SENP5: variants seen among roughly 807,000 people sequenced by gnomAD.
SENP5 encodes SUMO specific peptidase 5, also known as sentrin-specific protease 5.
SENP5 carries 21 observed loss-of-function variants against 74.2 expected under a neutral mutation model. The ratio of observed to expected loss-of-function variants is 0.28; its 90% CI spans 0.20 to 0.41. SENP5 has a LOEUF of 0.41. Ranked by LOEUF, SENP5 falls within the 10% of genes least tolerant of loss-of-function variation. SENP5 has a pLI of 1.00. For synonymous variants in SENP5, 311 were observed against 312.7 expected (o/e 0.99, Z 0.06); for missense variants, 717 against 889.1 (o/e 0.81, Z 2.46).
rs773858031 is a variant in SENP5, at chr3:196,931,879, A to C, written c.*956A>C. On this transcript the variant is annotated 3_prime_UTR_variant, in exon 10 of 10. Coordinates refer to ENST00000323460, the MANE Select transcript of SENP5 (RefSeq NM_152699.5). ...AGGGTATCTGAAACGTAAACATTCAAAACTGAAGGCTGACTGACTTGAGAT... is the reference window on the plus strand; with the variant it reads ...AGGGTATCTGAAACGTAAACATTCACAACTGAAGGCTGACTGACTTGAGAT... 6 of 450,950 alleles carry C rather than the reference A, an allele frequency of 1.3e-5. No individual in the cohort carries two copies. Among genetic ancestry groups the C allele is most frequent in the Non-Finnish European group, 2.7e-5 (6 of 225,020 alleles). 27.9% of individuals were successfully genotyped at this position (450,950 alleles called of 1,614,324 possible). A position where few individuals can be genotyped will look rare whatever the true frequency, so the allele number is the denominator to read the frequency against.
intron 1 of SENP5, among the ~76,000 whole-genome samples, chr3:196,881,188 T>C (rs2108812231): frequency 6.6e-6 from 1 of 152,232 alleles, no homozygotes; most frequent in Non-Finnish European, 1.5e-5. Context: ...GCTCAAACAG[T>C]CCACCCATCT....
intron 5 of SENP5, among the ~76,000 whole-genome samples, chr3:196,902,567 A>G (rs577429795): frequency 6.6e-6 from 1 of 152,354 alleles, no homozygotes; most frequent in South Asian, 2.1e-4. Context: ...ATGAGGCCTG[A>G]TAATTTGGAT....
rs143683668 is a variant in SENP5, at chr3:196,886,214, C to G, written c.1033C>G (p.Pro345Ala). 4.3e-6 allele frequency: 7 copies of G among 1,614,040 alleles called. No individual in the cohort carries two copies. In the African/African-American group the frequency reaches 9.3e-5, roughly 22 times the overall value. The change falls in exon 2 of 10, where the codon CCT (proline) becomes GCT (alanine). Residue 345 changes from proline (P) to alanine (A), a missense_variant. By Grantham distance (27) the Pro-to-Ala change is conservative (BLOSUM62 -1). Transcript: ENST00000323460. ...GKELSLDEAF[P>A]DQQNGSATNA... ...GGAGCTTAGTTTAGACGAAGCATTC[C>G]CTGACCAACAGAATGGCAGTGCCAC... is the stretch of plus-strand genomic sequence containing the variant.
chr3:196,910,753 C>G (rs901162065), intron 6 of SENP5, among the ~76,000 whole-genome samples: 2 of 152,066 alleles, frequency 1.3e-5, no homozygotes, highest in African/African-American at 4.8e-5. Context: ...CAAAAAAGAG[C>G]CTGTATAGCC....
Position 196,886,590 on chromosome 3 carries a change from C to T in SENP5, c.1409C>T (p.Pro470Leu). 1 of 1,613,724 alleles carries T rather than the reference C, an allele frequency of 6.2e-7. No homozygotes were observed. The highest frequency in any genetic ancestry group is 8.5e-7 in the Non-Finnish European group (1 of 1,179,902). Residue 470 changes from proline to leucine, a missense_variant, in exon 2 of 10, where the codon CCC (proline) becomes CTC (leucine). Physicochemically the swap from Pro to Leu is moderately conservative, Grantham distance 98 (BLOSUM62 -3). Transcript: ENST00000323460. ...HPYCKSPLEAPLVCSGLKLEN... is the reference protein window; with the variant it reads ...HPYCKSPLEALLVCSGLKLEN... ...TACTGTAAAAGTCCACTGGAGGCTC[C>T]CTTGGTGTGCAGTGGACTCAAACTA...
chr3:196,911,725 G>A (rs529571137), intron 6 of SENP5, among the ~76,000 whole-genome samples: 5 of 152,048 alleles, frequency 3.3e-5, no homozygotes, highest in Non-Finnish European at 5.9e-5. Flanking sequence ...CAGGAGAATC[G>A]CTTGAACCTG....
intron 2 of SENP5, among the ~76,000 whole-genome samples, chr3:196,896,530 C>G (rs937914474): frequency 2.0e-5 from 3 of 152,192 alleles, no homozygotes; most frequent in African/African-American, 7.2e-5. Context: ...TCTCGGCTCA[C>G]TACAGCCTCT....
chr3:196,883,609 A>G (rs1459853124), intron 1 of SENP5, among the ~76,000 whole-genome samples: 1 of 151,794 alleles, frequency 6.6e-6, no homozygotes, highest in Non-Finnish European at 1.5e-5. Flanking sequence ...TTTCCTTTTC[A>G]ACACCACCCA....
chr3:196,915,055 A>G (rs1056983323), intron 6 of SENP5, among the ~76,000 whole-genome samples: 1 of 152,242 alleles, frequency 6.6e-6, no homozygotes, highest in African/African-American at 2.4e-5. Context: ...AGCCCCAGCC[A>G]GAGGAGAATC....
intron 6 of SENP5, among the ~76,000 whole-genome samples, chr3:196,910,343 T>C (rs1715071894): frequency 8.3e-6 from 1 of 120,000 alleles, no homozygotes; most frequent in South Asian, 3.1e-4. Flanking sequence ...ATCTTTTTTT[T>C]TTTTTTTTTT....
In SENP5 at chr3:196,896,909, A is replaced by G. The variant is rs12485300; in HGVS notation, c.1514-2757A>G. 2.0e-3 allele frequency among the ~76,000 whole-genome samples: 302 copies of G among 152,328 alleles called. 4 individuals carry two copies. The highest frequency in any genetic ancestry group is 0.019 in the Admixed American group (286 of 15,300). On this transcript the variant is annotated intron_variant, in intron 2 of 9. Coordinates refer to ENST00000323460, the MANE Select transcript of SENP5 (RefSeq NM_152699.5). ...GTGTGTAAGTGAGACACTGTCATCT[A>G]GGGTTCTCCTTGAAGATCGTACCTT...
chr3:196,870,653 G>C (rs1713174322), intron 1 of SENP5, among the ~76,000 whole-genome samples: 1 of 151,892 alleles, frequency 6.6e-6, no homozygotes, highest in South Asian at 2.1e-4. Context: ...AAGTAGCTGG[G>C]ATTACAAGCG....
intron 6 of SENP5, among the ~76,000 whole-genome samples, chr3:196,912,031 A>G (rs142556020): frequency 0.019 from 2,928 of 152,346 alleles, 43 homozygotes; most frequent in Non-Finnish European, 0.03. Flanking sequence ...CAATTCCTCA[A>G]GGATCTAGAA....
At chr3:196,880,774 T>C (rs902888576) in intron 1 of SENP5, among the ~76,000 whole-genome samples, 1 of 151,156 alleles carries the variant, frequency 6.6e-6, no homozygotes, top group Non-Finnish European at 1.5e-5. Context: ...CCCGAGTAGC[T>C]GGATTACAGG....
chr3:196,919,793 C>CAA (rs577670068), intron 6 of SENP5, among the ~76,000 whole-genome samples: 25 of 135,080 alleles, frequency 1.9e-4, no homozygotes, highest in African/African-American at 5.9e-4. Context: ...AACTTCATCT[C>CAA]AAAAAAAAAA....
chr3:196,873,154 A>G (rs370340785), intron 1 of SENP5, among the ~76,000 whole-genome samples: 2 of 147,340 alleles, frequency 1.4e-5, no homozygotes, highest in Non-Finnish European at 3.0e-5. Flanking sequence ...GCTCACTGCA[A>G]CCTCCACCTC....
intron 6 of SENP5, among the ~76,000 whole-genome samples, chr3:196,923,058 T>C (rs1715684416): frequency 6.6e-6 from 1 of 152,194 alleles, no homozygotes; most frequent in Admixed American, 6.5e-5. Flanking sequence ...TGGCCCCTTA[T>C]ACCATTTTCT....
At chr3:196,904,387 A>G (rs1714817754) in intron 6 of SENP5, among the ~76,000 whole-genome samples, 1 of 152,186 alleles carries the variant, frequency 6.6e-6, no homozygotes, top group Non-Finnish European at 1.5e-5. Flanking sequence ...AGTTTGGTAT[A>G]TTGGAGTATT....
At chr3:196,921,666 A>G (rs1715625553) in intron 6 of SENP5, among the ~76,000 whole-genome samples, 1 of 152,134 alleles carries the variant, frequency 6.6e-6, no homozygotes, top group African/African-American at 2.4e-5. Context: ...AACATTGTTT[A>G]TTATTTTCAC....
Sources: gnomAD v4.1 joint callset for allele counts (sites outside exome capture counted in the v4.1 genomes callset) on GRCh38, gnomAD v4.1.1 for gene constraint, MANE v1.5 for transcripts, NCBI Gene and HGNC (gene_info 2026-07-23, HGNC 2026-07-21) for gene names.